The following NIF3L1 variants were observed in gnomAD, a reference collection of about 807,000 sequenced individuals.
The protein encoded by NIF3L1 is NGG1 interacting factor 3 like 1, also known as NIF3-like protein 1.
A neutral mutation model predicts 35.0 loss-of-function variants in NIF3L1; 26 were observed. The ratio of observed to expected loss-of-function variants is 0.74; its 90% CI spans 0.54 to 1.03. The LOEUF (loss-of-function observed/expected upper bound fraction) is 1.03, where lower values mean the gene tolerates loss of function less well. Ranked by LOEUF, NIF3L1 falls within the 50% of genes least tolerant of loss-of-function variation. The pLI, the probability that NIF3L1 is intolerant of heterozygous loss-of-function variation, is 0.00. For missense variants in NIF3L1, 449 were observed against 466.3 expected (o/e 0.96, Z 0.34); for synonymous variants, 157 against 178.9 (o/e 0.88, Z 0.98).
rs2040333898 is a variant in NIF3L1, at chr2:200,897,218, A to C, written c.865+4A>C. On this transcript the variant is annotated splice_donor_region_variant and intron_variant, in intron 5 of 6. Transcript: ENST00000409020. ...CTTGGGGTGGGGAGAACCTTAGGTA[A>C]ATATAGCTCCTTCATCTATCCAGTA... is the stretch of plus-strand genomic sequence containing the variant. 6.2e-7 allele frequency: 1 copy of C among 1,613,378 alleles called. No homozygotes were observed. The highest frequency in any genetic ancestry group is 1.7e-5 in the Admixed American group (1 of 59,872).
chr2:200,893,805 T>C (rs1359294361), intron 3 of NIF3L1, among the ~76,000 whole-genome samples: 2 of 152,190 alleles, frequency 1.3e-5, no homozygotes, highest in African/African-American at 4.8e-5. Context: ...ATTTTAAATA[T>C]ATATTTTCAT....
intron 6 of NIF3L1, 55 bp downstream of exon 6, chr2:200,899,523 A>G: frequency 7.6e-7 from 1 of 1,313,522 alleles, no homozygotes; most frequent in Non-Finnish European, 1.1e-6. Flanking sequence ...CAAAAATGGC[A>G]AATTTTAGGA....
At chr2:200,891,615 T>C (rs921929761) in intron 1 of NIF3L1, 1 of 276,042 alleles carries the variant, frequency 3.6e-6, no homozygotes, top group African/African-American at 2.2e-5. Context: ...AGAACAAGGG[T>C]GTGCAAGGCA....
At chr2:200,895,180 A>AAT (rs983088752) in intron 3 of NIF3L1, 84 bp from the exon 4 acceptor site, 4 of 1,306,200 alleles carry the variant, frequency 3.1e-6, no homozygotes, top group Non-Finnish European at 4.4e-6. Context: ...AATCTAATCT[A>AAT]TTATAGTAGG....
chr2:200,899,184 G>A, intron 5 of NIF3L1: 4 of 418,296 alleles, frequency 9.6e-6, no homozygotes, highest in Non-Finnish European at 1.3e-5. Flanking sequence ...CATGCCTTGG[G>A]TTAGCTATGC....
intron 2 of NIF3L1, among the ~76,000 whole-genome samples, chr2:200,893,008 G>A (rs377022255): frequency 1.3e-5 from 2 of 152,240 alleles, no homozygotes; most frequent in Middle Eastern, 3.4e-3. Context: ...GTTTTTCAGA[G>A]ATTTAAGAAT....
At chr2:200,897,655 A>G (rs2040340599) in intron 5 of NIF3L1, among the ~76,000 whole-genome samples, 1 of 152,202 alleles carries the variant, frequency 6.6e-6, no homozygotes. Context: ...CATGATTGCT[A>G]CAATTACAAC....
intron 4 of NIF3L1, among the ~76,000 whole-genome samples, chr2:200,896,353 C>T (rs1185264891): frequency 6.6e-6 from 1 of 152,210 alleles, no homozygotes; most frequent in Admixed American, 6.5e-5. Flanking sequence ...TCCATGTCCT[C>T]TGTGTTTAGA....
In NIF3L1 at chr2:200,897,092, C is replaced by T; in HGVS notation, c.743C>T (p.Thr248Ile). 6.2e-7 allele frequency: 1 copy of T among 1,613,948 alleles called. No individual in the cohort carries two copies. Among genetic ancestry groups the T allele is most frequent in the Non-Finnish European group, 8.5e-7 (1 of 1,179,870 alleles). Reference protein sequence around the residue: ...LSLEKPLLLHTGMGRLCTLDE... With the variant: ...LSLEKPLLLHIGMGRLCTLDE... Reference sequence around the variant, plus strand: ...TCTCCTCAGCCTTTGCTTCTACATACTGGAATGGGACGGTTATGCACACTG... The same window carrying T: ...TCTCCTCAGCCTTTGCTTCTACATATTGGAATGGGACGGTTATGCACACTG... The change falls in exon 5 of 7, where the codon ACT (threonine) becomes ATT (isoleucine). Residue 248 changes from threonine (T) to isoleucine (I), a missense_variant. Coordinates refer to ENST00000409020, the MANE Select transcript of NIF3L1 (RefSeq NM_001369441.2).
At chr2:200,900,633 A>G (rs2124899156) in intron 6 of NIF3L1, among the ~76,000 whole-genome samples, 1 of 152,298 alleles carries the variant, frequency 6.6e-6, no homozygotes, top group South Asian at 2.1e-4. Flanking sequence ...AAACCAATAA[A>G]TTGATTTAAA....
intron 1 of NIF3L1, 73 bp from the exon 2 acceptor site, chr2:200,891,845 C>T: frequency 1.1e-6 from 1 of 874,940 alleles, no homozygotes; most frequent in Admixed American, 2.8e-5. Context: ...GCTCTTTTGC[C>T]CATATGTTTT....
rs1364084070 is a variant in NIF3L1 at position 200,891,694 on chromosome 2, T to C, written c.-26-224T>C. 1.1e-5 allele frequency: 6 copies of C among 529,060 alleles called. No individual in the cohort carries two copies. The East Asian group carries it at 1.9e-4, about 17-fold the overall frequency. 32.8% of individuals were successfully genotyped at this position (529,060 alleles called of 1,614,324 possible). A position where few individuals can be genotyped will look rare whatever the true frequency, so the allele number is the denominator to read the frequency against. On this transcript the variant is annotated intron_variant, in intron 1 of 6. Coordinates refer to ENST00000409020, the MANE Select transcript of NIF3L1 (RefSeq NM_001369441.2). ...AGGTTACATAATTCATTAGCTCCTC[T>C]GGATGGCCTGTGAAGTGGGTTATAG... is the stretch of plus-strand genomic sequence containing the variant.
intron 3 of NIF3L1, among the ~76,000 whole-genome samples, chr2:200,893,624 AG>A (rs1262785031): frequency 1.3e-5 from 2 of 152,286 alleles, no homozygotes; most frequent in East Asian, 3.9e-4. Flanking sequence ...TTTCTATGTC[AG>A]GGGACTATAC....
chr2:200,892,164 CTGAGGAAGTGA>C lies in NIF3L1; in HGVS notation c.224_234del (p.Glu75GlyfsTer53). ...ACACTCTTCCTGACCAATGACCTGA[CTGAGGAAGTGA>C]TGGAGGAGGTGCTGCAAAAGAAGGC... On this transcript the variant is annotated frameshift_variant, in exon 2 of 7. Coordinates refer to ENST00000409020, the MANE Select transcript of NIF3L1 (RefSeq NM_001369441.2). LOFTEE classifies it high-confidence loss of function. The C allele has an allele frequency of 6.2e-7, 1 of 1,614,198 alleles. No homozygotes were observed. Among genetic ancestry groups the C allele is most frequent in the Admixed American group, 1.7e-5 (1 of 60,022 alleles).
intron 6 of NIF3L1, 75 bp downstream of exon 6, chr2:200,899,543 G>A: frequency 1.1e-6 from 1 of 934,740 alleles, no homozygotes; most frequent in Non-Finnish European, 1.7e-6. Flanking sequence ...ACAGTACCTG[G>A]CACATAGATG....
At chr2:200,902,962 G>T (rs2040432702) in intron 6 of NIF3L1, among the ~76,000 whole-genome samples, 1 of 152,114 alleles carries the variant, frequency 6.6e-6, no homozygotes, top group African/African-American at 2.4e-5. Flanking sequence ...TTGCCTTGGG[G>T]TCTGCTAAGG....
chr2:200,892,436 A>G (rs2040218596), intron 2 of NIF3L1, 57 bp downstream of exon 2: 2 of 1,380,586 alleles, frequency 1.4e-6, no homozygotes, highest in Non-Finnish European at 1.9e-6. Flanking sequence ...AAACTTTAGG[A>G]TGTCTTTCCA....
chr2:200,890,303 G>A (rs777633280), intron 1 of NIF3L1, among the ~76,000 whole-genome samples: 2 of 152,168 alleles, frequency 1.3e-5, no homozygotes, highest in Non-Finnish European at 2.9e-5. Context: ...AGGCTGCAGT[G>A]AGCTGAGATC....
intron 4 of NIF3L1, 82 bp from the exon 5 acceptor site, chr2:200,896,994 A>G (rs184824718): frequency 2.2e-6 from 3 of 1,341,954 alleles, no homozygotes; most frequent in Non-Finnish European, 3.1e-6. Flanking sequence ...TAGTAATCTC[A>G]CAGTGTGCAT....
Sources: allele counts gnomAD v4.1 joint callset (sites outside exome capture counted in the v4.1 genomes callset), GRCh38; gene constraint gnomAD v4.1.1; transcripts MANE v1.5; gene names NCBI Gene and HGNC (gene_info 2026-07-23, HGNC 2026-07-21).